Variants in CBFA2T2 observed in about 807,000 individuals in gnomAD.
CBFA2T2 encodes the protein protein CBFA2T2.
CBFA2T2 carries 11 observed loss-of-function variants against 62.2 expected under a neutral mutation model. The observed-to-expected ratio is 0.18, with a 90% CI of 0.11 to 0.29. CBFA2T2 has a LOEUF of 0.29. Among genes scored for constraint, CBFA2T2 ranks in the 10% least tolerant of loss-of-function variants. The pLI, the probability that CBFA2T2 is intolerant of heterozygous loss-of-function variation, is 1.00. For missense variants in CBFA2T2, 592 were observed against 774.1 expected (o/e 0.76, Z 2.79); for synonymous variants, 295 against 287.5 (o/e 1.03, Z -0.27).
chr20:33,632,333 C>T (rs1020241658), intron 8 of CBFA2T2, among the ~76,000 whole-genome samples: 1 of 152,182 alleles, frequency 6.6e-6, no homozygotes, highest in African/African-American at 2.4e-5. Context: ...CATAAGCCAC[C>T]ATGCCCAGCC....
At chr20:33,551,676 C>G (rs546064825) in intron 1 of CBFA2T2, among the ~76,000 whole-genome samples, 1 of 151,678 alleles carries the variant, frequency 6.6e-6, no homozygotes, top group African/African-American at 2.4e-5. Context: ...GGATTACAGG[C>G]GTGTGTCACC....
At chr20:33,596,919 G>GTTTTTTTT (rs59278499) in intron 1 of CBFA2T2, among the ~76,000 whole-genome samples, 68 of 125,318 alleles carry the variant, frequency 5.4e-4, no homozygotes, top group Non-Finnish European at 5.9e-4. Context: ...CTTGACCTCT[G>GTTTTTTTT]TTTTTTTTTT....
At chr20:33,522,466 G>A (rs2011755817) in intron 1 of CBFA2T2, among the ~76,000 whole-genome samples, 1 of 147,938 alleles carries the variant, frequency 6.8e-6, no homozygotes. Flanking sequence ...AGTGACTCAT[G>A]CCTGTACTCT....
At chr20:33,604,189 G>T (rs2015250362) in intron 1 of CBFA2T2, among the ~76,000 whole-genome samples, 1 of 152,096 alleles carries the variant, frequency 6.6e-6, no homozygotes, top group Non-Finnish European at 1.5e-5. Context: ...ATATTAACTT[G>T]GTCAAGGTCA....
chr20:33,611,195 A>G lies in CBFA2T2; in HGVS notation c.280A>G (p.Thr94Ala), dbSNP rs1364914291. The G allele has an allele frequency of 1.2e-6, 2 of 1,614,122 alleles. No individual in the cohort carries two copies. The highest frequency in any genetic ancestry group is 2.2e-5 in the South Asian group (2 of 91,084). ...GPASSTSSALTNQQLPATCGA... is the reference protein window; with the variant it reads ...GPASSTSSALANQQLPATCGA... ...TGCCTCCTCCACATCATCTGCACTC[A>G]CAAATCAGCAATTGCCAGCCACTTG... is the stretch of plus-strand genomic sequence containing the variant. The change falls in exon 3 of 11, where the codon ACA (threonine) becomes GCA (alanine). Residue 94 changes from threonine to alanine, a missense_variant. Physicochemically the swap from Thr to Ala is moderately conservative, Grantham distance 58. Transcript: ENST00000342704.
chr20:33,523,384 G>C (rs1029139818), intron 1 of CBFA2T2, among the ~76,000 whole-genome samples: 5 of 151,392 alleles, frequency 3.3e-5, no homozygotes, highest in African/African-American at 1.2e-4. Context: ...GGTTCAAGCA[G>C]TTCTCCTGCC....
intron 1 of CBFA2T2, among the ~76,000 whole-genome samples, chr20:33,530,454 G>A (rs991924501): frequency 4.6e-5 from 7 of 152,092 alleles, no homozygotes; most frequent in African/African-American, 1.2e-4. Context: ...GTCTCACTCC[G>A]TTGCCCAGGC....
intron 1 of CBFA2T2, among the ~76,000 whole-genome samples, chr20:33,498,054 T>A (rs1225147633): frequency 1.3e-5 from 2 of 152,122 alleles, no homozygotes; most frequent in African/African-American, 4.8e-5. Context: ...ACTGTATTTT[T>A]AAAATTTTTG....
intron 1 of CBFA2T2, among the ~76,000 whole-genome samples, chr20:33,502,749 A>G (rs958361214): frequency 3.3e-5 from 5 of 149,620 alleles, no homozygotes; most frequent in African/African-American, 1.2e-4. Flanking sequence ...CCATTTCTCC[A>G]AACTGTTTCT....
intron 1 of CBFA2T2, among the ~76,000 whole-genome samples, chr20:33,548,696 AC>A (rs1304357374): frequency 6.6e-6 from 1 of 152,144 alleles, no homozygotes; most frequent in Non-Finnish European, 1.5e-5. Context: ...ACAGTGGCTC[AC>A]ATCTGTAATC....
intron 1 of CBFA2T2, among the ~76,000 whole-genome samples, chr20:33,554,976 C>T (rs1390514878): frequency 6.6e-6 from 1 of 151,994 alleles, no homozygotes; most frequent in African/African-American, 2.4e-5. Context: ...AGACATTTAG[C>T]AGAATTTAGG....
chr20:33,521,630 G>C (rs774206054), intron 1 of CBFA2T2, among the ~76,000 whole-genome samples: 2 of 152,170 alleles, frequency 1.3e-5, no homozygotes, highest in Non-Finnish European at 2.9e-5. Flanking sequence ...TACCATCTGT[G>C]GGAGCAGGTG....
At chr20:33,631,429 G>A (rs1224493866) in intron 8 of CBFA2T2, among the ~76,000 whole-genome samples, 1 of 152,230 alleles carries the variant, frequency 6.6e-6, no homozygotes, top group Non-Finnish European at 1.5e-5. Flanking sequence ...GGCTTTTGGA[G>A]ACGTAGCTAA....
chr20:33,604,013 T>A (rs887606134), intron 1 of CBFA2T2, among the ~76,000 whole-genome samples: 1 of 152,144 alleles, frequency 6.6e-6, no homozygotes, highest in Non-Finnish European at 1.5e-5. Context: ...TAGATCTCAC[T>A]CCATGAAGGG....
chr20:33,573,298 G>A (rs2146904949), intron 1 of CBFA2T2, among the ~76,000 whole-genome samples: 1 of 152,188 alleles, frequency 6.6e-6, no homozygotes, highest in South Asian at 2.1e-4. Context: ...TACAAAAAAT[G>A]AAAGCGCTAA....
intron 2 of CBFA2T2, among the ~76,000 whole-genome samples, chr20:33,608,734 G>A (rs1169308570): frequency 6.6e-6 from 1 of 152,110 alleles, no homozygotes; most frequent in Non-Finnish European, 1.5e-5. Context: ...CTGCTTGGCG[G>A]TGGTTGTGTT....
chr20:33,561,400 T>C (rs952141668), intron 1 of CBFA2T2, among the ~76,000 whole-genome samples: 23 of 152,208 alleles, frequency 1.5e-4, no homozygotes, highest in Non-Finnish European at 2.9e-4. Flanking sequence ...CTTTTAACTT[T>C]TTATTTTAAA....
chr20:33,607,530 C>T (rs143728036), intron 2 of CBFA2T2, among the ~76,000 whole-genome samples: 2 of 152,270 alleles, frequency 1.3e-5, no homozygotes, highest in East Asian at 3.9e-4. Flanking sequence ...ATACCACAGA[C>T]TGGATGGTTT....
chr20:33,562,558 T>C (rs988238246), intron 1 of CBFA2T2: 1 of 985,866 alleles, frequency 1.0e-6, no homozygotes, highest in Non-Finnish European at 1.2e-6. Context: ...GGAGGAAGGC[T>C]GGTCTCCGAT....
Sources: gnomAD v4.1 joint callset for allele counts (sites outside exome capture counted in the v4.1 genomes callset) on GRCh38, gnomAD v4.1.1 for gene constraint, MANE v1.5 for transcripts, NCBI Gene and HGNC (gene_info 2026-07-23, HGNC 2026-07-21) for gene names.